LRP6: variants seen among roughly 807,000 people sequenced by gnomAD.
The protein encoded by LRP6 is LDL receptor related protein 6.
In LRP6, 43 loss-of-function variants were observed where a neutral mutation model predicts 184.1. The observed-to-expected ratio is 0.23, with a 90% CI of 0.18 to 0.30. LRP6 has a LOEUF of 0.30. Ranked by LOEUF, LRP6 falls within the 10% of genes least tolerant of loss-of-function variation. The pLI is 1.00. For missense variants in LRP6, 1,571 were observed against 2,005.3 expected (o/e 0.78, Z 4.14); for synonymous variants, 719 against 684.9 (o/e 1.05, Z -0.78).
intron 7 of LRP6, among the ~76,000 whole-genome samples, chr12:12,177,710 G>C (rs1010413023): frequency 2.6e-5 from 4 of 152,086 alleles, no homozygotes; most frequent in African/African-American, 9.7e-5. Flanking sequence ...ATCTCCAGGG[G>C]AAATTATAAA....
chr12:12,252,915 A>C (rs974420089), intron 1 of LRP6, among the ~76,000 whole-genome samples: 39 of 152,266 alleles, frequency 2.6e-4, no homozygotes, highest in African/African-American at 9.4e-4. Context: ...TTCTCTCTGC[A>C]ATGAATATAT....
intron 2 of LRP6, among the ~76,000 whole-genome samples, chr12:12,207,166 A>G (rs1222486104): frequency 6.6e-6 from 1 of 152,152 alleles, no homozygotes; most frequent in African/African-American, 2.4e-5. Flanking sequence ...TCCCTGCAAG[A>G]GGGGACTGAC....
At chr12:12,163,427 A>G (rs1228130540) in intron 9 of LRP6, among the ~76,000 whole-genome samples, 1 of 152,256 alleles carries the variant, frequency 6.6e-6, no homozygotes, top group African/African-American at 2.4e-5. Context: ...ATTACAAAAA[A>G]GTTTACATGA....
intron 12 of LRP6, among the ~76,000 whole-genome samples, chr12:12,151,954 G>T (rs1425074048): frequency 6.6e-6 from 1 of 152,118 alleles, no homozygotes; most frequent in Admixed American, 6.6e-5. Context: ...TGTGAGGACG[G>T]CATGGAAAGA....
intron 3 of LRP6, among the ~76,000 whole-genome samples, chr12:12,198,986 A>C (rs1290174842): frequency 6.6e-6 from 1 of 152,222 alleles, no homozygotes; most frequent in African/African-American, 2.4e-5. Context: ...TACACAATGC[A>C]TCTCATCTAC....
chr12:12,199,978 A>C (rs1863871183), intron 3 of LRP6, among the ~76,000 whole-genome samples: 1 of 147,494 alleles, frequency 6.8e-6, no homozygotes, highest in South Asian at 2.1e-4. Flanking sequence ...AAAAAAAAAA[A>C]AAAAAAAAAA....
At chr12:12,216,337 TATA>T (rs1864342474) in intron 2 of LRP6, among the ~76,000 whole-genome samples, 1 of 152,342 alleles carries the variant, frequency 6.6e-6, no homozygotes, top group East Asian at 1.9e-4. Flanking sequence ...AACATTGTTT[TATA>T]ATGATTTAAA....
intron 1 of LRP6, among the ~76,000 whole-genome samples, chr12:12,247,472 T>C (rs1865216336): frequency 6.6e-6 from 1 of 152,292 alleles, no homozygotes; most frequent in South Asian, 2.1e-4. Flanking sequence ...TCTGAGTCTC[T>C]TCTCCCTCCT....
rs1208058035 is a variant in LRP6, at chr12:12,266,972, C to G, written c.-237G>C. Reference sequence around the variant, plus strand: ...AGCGTCTGCTTCCATCCCGCCGCCTCCTCCCCCGGCGCCCCGCTTCCCCCG... The same window carrying G: ...AGCGTCTGCTTCCATCCCGCCGCCTGCTCCCCCGGCGCCCCGCTTCCCCCG... On this transcript the variant is annotated 5_prime_UTR_variant, in exon 1 of 23. Transcript: ENST00000261349. The G allele has an allele frequency of 1.9e-6, 1 of 539,040 alleles. No homozygotes were observed. Among genetic ancestry groups the G allele is most frequent in the Non-Finnish European group, 3.2e-6 (1 of 309,418 alleles). 33.4% of individuals were successfully genotyped at this position (539,040 alleles called of 1,614,324 possible). A position where few individuals can be genotyped will look rare whatever the true frequency, so the allele number is the denominator to read the frequency against.
rs767395507 is a variant in LRP6 at position 12,131,774 on chromosome 12, A to T, written c.3970+47T>A. The T allele has an allele frequency of 2.0e-6, 3 of 1,517,978 alleles. No homozygotes were observed. The South Asian group carries it at 3.4e-5, about 17-fold the overall frequency. The allele number at this position is 1,517,978 out of a possible 1,614,324, so 94.0% of individuals were successfully genotyped here. On this transcript the variant is annotated intron_variant, in intron 18 of 22. Transcript: ENST00000261349. ...GTAATACTGAAGTTTAAACAACTGA[A>T]TGGGAAAAAAGGATTGCATGCTGAG...
chr12:12,203,506 C>G, intron 2 of LRP6, 106 bp from the exon 3 acceptor site: 1 of 882,340 alleles, frequency 1.1e-6, no homozygotes, highest in Non-Finnish European at 1.8e-6. Flanking sequence ...GTGGCTCACA[C>G]TTGTAATCCC....
At chr12:12,162,718 G>A (rs1398601423) in intron 9 of LRP6, among the ~76,000 whole-genome samples, 1 of 152,104 alleles carries the variant, frequency 6.6e-6, no homozygotes, top group Non-Finnish European at 1.5e-5. Context: ...GTAATCAAGT[G>A]GAAAAGCTGT....
intron 2 of LRP6, among the ~76,000 whole-genome samples, chr12:12,218,679 G>A (rs190696158): frequency 1.7e-3 from 262 of 151,772 alleles, no homozygotes; most frequent in African/African-American, 6.0e-3. Flanking sequence ...AAAAAGGAGA[G>A]AGGGCCAGGC....
chr12:12,154,694 A>G (rs979645023), intron 12 of LRP6, among the ~76,000 whole-genome samples: 1 of 152,132 alleles, frequency 6.6e-6, no homozygotes, highest in Admixed American at 6.6e-5. Context: ...GTAAGACCTG[A>G]TCTCTTAAAA....
chr12:12,212,742 T>C (rs1260848894), intron 2 of LRP6, among the ~76,000 whole-genome samples: 1 of 152,248 alleles, frequency 6.6e-6, no homozygotes, highest in Non-Finnish European at 1.5e-5. Context: ...AATGGTCTCA[T>C]AGAGAGAATT....
intron 2 of LRP6, among the ~76,000 whole-genome samples, chr12:12,229,585 A>G (rs1864727956): frequency 6.6e-6 from 1 of 152,224 alleles, no homozygotes; most frequent in South Asian, 2.1e-4. Flanking sequence ...CTACCTTAGA[A>G]TCTACCTTAG....
At chr12:12,233,160 A>T (rs989450459) in intron 2 of LRP6, among the ~76,000 whole-genome samples, 1 of 152,142 alleles carries the variant, frequency 6.6e-6, no homozygotes, top group Non-Finnish European at 1.5e-5. Context: ...GTCAAATACC[A>T]CAATAATTTG....
chr12:12,121,897 C>T (rs1359466645), intron 22 of LRP6, among the ~76,000 whole-genome samples: 5 of 151,992 alleles, frequency 3.3e-5, no homozygotes, highest in African/African-American at 1.2e-4. Context: ...TTCTTCTGTA[C>T]AATTCTGTAC....
At chr12:12,171,187 AAAT>A (rs898302257) in intron 7 of LRP6, among the ~76,000 whole-genome samples, 1 of 152,204 alleles carries the variant, frequency 6.6e-6, no homozygotes. Flanking sequence ...AAGGACACAC[AAAT>A]AATAATGATG....
Sources: allele counts gnomAD v4.1 joint callset (sites outside exome capture counted in the v4.1 genomes callset), GRCh38; gene constraint gnomAD v4.1.1; transcripts MANE v1.5; gene names NCBI Gene and HGNC (gene_info 2026-07-23, HGNC 2026-07-21).